The following GFRA3 variants were observed in gnomAD, a reference collection of about 807,000 sequenced individuals.
The protein encoded by GFRA3 is GDNF family receptor alpha 3, also known as GDNF family receptor alpha-3.
Under a neutral mutation model 40.0 loss-of-function variants are expected in GFRA3, and 24 were observed. The observed-to-expected ratio is 0.60, with a 90% CI of 0.43 to 0.84. The LOEUF is 0.84. Ranked by LOEUF, GFRA3 falls within the 40% of genes least tolerant of loss-of-function variation. The pLI is 0.00. For synonymous variants in GFRA3, 203 were observed against 213.5 expected, an observed-to-expected ratio of 0.95 and a Z score of 0.43; for missense variants, 405 against 530.6, an observed-to-expected ratio of 0.76 and a Z score of 2.33.
In GFRA3 at chr5:138,253,833, T is replaced by G. The variant is rs764494297; in HGVS notation, c.957A>C (p.Arg319=). 28 of 1,613,720 alleles carry G rather than the reference T, an allele frequency of 1.7e-5. No homozygotes were observed. The highest frequency in any genetic ancestry group is 2.1e-5 in the Non-Finnish European group (25 of 1,179,814). ...NTSVALSCTC[R]GSGNLQEECE... ...ACTCCTCCTGCAGGTTGCCACTGCC[T>G]CGGCAGGTGCAGCTTAAGGCAACAC... The change falls in exon 6 of 8, where the codon CGA becomes CGC. Residue 319 remains arginine, a synonymous_variant. Transcript: ENST00000274721.
At chr5:138,263,406 T>C (rs989688140) in intron 2 of GFRA3, among the ~76,000 whole-genome samples, 14 of 152,242 alleles carry the variant, frequency 9.2e-5, no homozygotes, top group African/African-American at 2.9e-4. Context: ...TTGCCTTCCC[T>C]GTAAGATTGT....
At chr5:138,267,174 T>G (rs1755797110) in intron 1 of GFRA3, 1 of 154,218 alleles carries the variant, frequency 6.5e-6, no homozygotes, top group East Asian at 1.9e-4. Flanking sequence ...CAGCTTCACC[T>G]TTTTTCTTTT....
Position 138,263,935 on chromosome 5 carries a change from G to T in GFRA3, c.379+326C>A, listed in dbSNP as rs575211536. 5.9e-5 allele frequency among the ~76,000 whole-genome samples: 9 copies of T among 152,250 alleles called. No individual in the cohort carries two copies. In the South Asian group the frequency reaches 1.9e-3, roughly 32 times the overall value. ...ACTTGGTATTTGGAGCCTGTTTATG[G>T]GTTAAGACTTTTTTCTCCCATCTCC... On this transcript the variant is annotated intron_variant, in intron 2 of 7. Coordinates refer to ENST00000274721, the MANE Select transcript of GFRA3 (RefSeq NM_001496.4).
chr5:138,258,266 C>T (rs377468783), intron 3 of GFRA3, among the ~76,000 whole-genome samples: 47 of 146,666 alleles, frequency 3.2e-4, no homozygotes, highest in African/African-American at 1.1e-3. Context: ...CTGCAACCTC[C>T]GCCTCCTGGG....
intron 2 of GFRA3, among the ~76,000 whole-genome samples, chr5:138,262,253 C>T (rs1755721192): frequency 6.6e-6 from 1 of 152,088 alleles, no homozygotes; most frequent in African/African-American, 2.4e-5. Flanking sequence ...AAAGAGAAAA[C>T]TGAAAGAGGA....
At chr5:138,262,245 A>G (rs1206716629) in intron 2 of GFRA3, among the ~76,000 whole-genome samples, 1 of 152,148 alleles carries the variant, frequency 6.6e-6, no homozygotes, top group Non-Finnish European at 1.5e-5. Context: ...ATGTGGCCAA[A>G]GAGAAAACTG....
intron 4 of GFRA3, among the ~76,000 whole-genome samples, chr5:138,255,899 C>CAAA (rs35650002): frequency 2.8e-5 from 3 of 107,728 alleles, no homozygotes; most frequent in Non-Finnish European, 5.5e-5. Flanking sequence ...GACTCTGTCT[C>CAAA]AAAAAAAAAA....
intron 2 of GFRA3, among the ~76,000 whole-genome samples, chr5:138,263,607 G>C (rs1250595445): frequency 1.3e-5 from 2 of 152,142 alleles, no homozygotes; most frequent in East Asian, 3.9e-4. Flanking sequence ...ATTTCCTTCT[G>C]CCACGAGAAG....
rs148708926 is a variant in GFRA3 at position 138,269,569 on chromosome 5, C to T, written c.91+4765G>A. The stretch of plus-strand genomic sequence containing the variant: ...AAAAAACAAAAAACAACAAGCCAGA[C>T]GCAGTGGCTCAAACCTGTAATCCCA... On this transcript the variant is annotated intron_variant, in intron 1 of 7. Transcript: ENST00000274721. Among the ~76,000 whole-genome samples the T allele has an allele frequency of 6.7e-5, 10 of 148,886 alleles. No homozygotes were observed. The East Asian group carries it at 8.0e-4, about 12-fold the overall frequency.
intron 5 of GFRA3, 61 bp downstream of exon 5, chr5:138,253,996 G>A: frequency 6.4e-7 from 1 of 1,564,202 alleles, no homozygotes; most frequent in Non-Finnish European, 8.8e-7. Flanking sequence ...TTTATCTCCG[G>A]AGCATTCTTA....
Position 138,253,018 on chromosome 5 carries a change from A to T in GFRA3, c.1153T>A (p.Ser385Thr). The T allele has an allele frequency of 1.1e-5, 17 of 1,609,180 alleles. No homozygotes were observed. The highest frequency in any genetic ancestry group is 1.4e-5 in the Non-Finnish European group (17 of 1,175,858). The change falls in exon 8 of 8, where the codon TCT (serine) becomes ACT (threonine). Residue 385 changes from serine (S) to threonine (T), a missense_variant. By Grantham distance (58) the Ser-to-Thr change is moderately conservative. Transcript: ENST00000274721. ...PAVRPQPWVP[S>T]LFSCTLPLIL... ...AAGGGAAGCGTGCAGGAGAAAAGAG[A>T]GGGCACCCAGGGCTGTGGCCTCACA...
chr5:138,271,913 T>TTTTTGTGTGTGTGTGTGTGTG (rs59830655), intron 1 of GFRA3, among the ~76,000 whole-genome samples: 2 of 54,332 alleles, frequency 3.7e-5, no homozygotes, highest in Non-Finnish European at 7.0e-5. Context: ...TTTTTTTTTT[T>TTTTTGTGTGTGTGTGTGTGTG]TGTGTGTGTG....
Position 138,257,750 on chromosome 5 carries a change from C to CG in GFRA3, c.673dup (p.Arg225ProfsTer105). The CG allele has an allele frequency of 6.2e-7, 1 of 1,609,988 alleles. No homozygotes were observed. Among genetic ancestry groups the CG allele is most frequent in the Non-Finnish European group, 8.5e-7 (1 of 1,177,902 alleles). On this transcript the variant is annotated frameshift_variant, in exon 4 of 8. Coordinates refer to ENST00000274721, the MANE Select transcript of GFRA3 (RefSeq NM_001496.4). LOFTEE classifies it high-confidence loss of function. ...GTTGCGCCGGCGCTCCCCGCAGCCC[C>CG]GGTCGTTGGGGGCACATGGGCACAG...
chr5:138,256,980 A>G (rs1755640875), intron 4 of GFRA3, among the ~76,000 whole-genome samples: 1 of 151,914 alleles, frequency 6.6e-6, no homozygotes. Flanking sequence ...AAGGACAGTA[A>G]GTAAAAAAAT....
chr5:138,274,413 G>C lies in GFRA3; in HGVS notation c.12C>G (p.Pro4=), dbSNP rs1010389189. Residue 4 remains proline, a synonymous_variant, in exon 1 of 8, where the codon CCC becomes CCG. Coordinates refer to ENST00000274721, the MANE Select transcript of GFRA3 (RefSeq NM_001496.4). MVR[P]LNPRPLPPVV... ...CGGGCGGCAGCGGTCGCGGGTTCAG[G>C]GGGCGCACCATGGCGAGCTGTAGGC... 4.6e-6 allele frequency: 6 copies of C among 1,311,396 alleles called. No individual in the cohort carries two copies. In the African/African-American group the frequency reaches 7.7e-5, roughly 17 times the overall value. The allele number at this position is 1,311,396 out of a possible 1,614,324, so 81.2% of individuals were successfully genotyped here. A position where few individuals can be genotyped will look rare whatever the true frequency, so the allele number is the denominator to read the frequency against.
intron 4 of GFRA3, among the ~76,000 whole-genome samples, chr5:138,256,261 G>A (rs929888253): frequency 2.0e-5 from 3 of 150,124 alleles, no homozygotes; most frequent in Non-Finnish European, 3.0e-5. Flanking sequence ...GGGCACGGTG[G>A]CTTATGCCTG....
At position 138,274,404 on chromosome 5, in the gene GFRA3, C is replaced by T; in HGVS notation, c.21G>A (p.Pro7=). The part of the protein sequence containing the change: MVRPLN[P]RPLPPVVLML... ...TCAGGACTACGGGCGGCAGCGGTCG[C>T]GGGTTCAGGGGGCGCACCATGGCGA... The change falls in exon 1 of 8, where the codon CCG becomes CCA. Residue 7 remains proline (P), a synonymous_variant. Coordinates refer to ENST00000274721, the MANE Select transcript of GFRA3 (RefSeq NM_001496.4). 1 of 1,312,710 alleles carries T rather than the reference C, an allele frequency of 7.6e-7. No individual in the cohort carries two copies. Among genetic ancestry groups the T allele is most frequent in the Non-Finnish European group, 9.7e-7 (1 of 1,026,002 alleles). The allele number at this position is 1,312,710 out of a possible 1,614,324, so 81.3% of individuals were successfully genotyped here.
At chr5:138,255,645 T>C (rs1240366800) in intron 4 of GFRA3, among the ~76,000 whole-genome samples, 2 of 152,120 alleles carry the variant, frequency 1.3e-5, no homozygotes, top group African/African-American at 2.4e-5. Context: ...ATGCCTATAA[T>C]CCCAGCACTT....
chr5:138,253,965 A>C, intron 5 of GFRA3, 65 bp from the exon 6 acceptor site: 1 of 1,585,874 alleles, frequency 6.3e-7, no homozygotes, highest in Admixed American at 1.7e-5. Flanking sequence ...ACCTTCTTCC[A>C]CCCATGTCAG....
Sources: gnomAD v4.1 joint callset for allele counts (sites outside exome capture counted in the v4.1 genomes callset) on GRCh38, gnomAD v4.1.1 for gene constraint, MANE v1.5 for transcripts, NCBI Gene and HGNC (gene_info 2026-07-23, HGNC 2026-07-21) for gene names.